Variants in C12orf54 observed in about 807,000 individuals in gnomAD.
C12orf54 encodes uncharacterized protein C12orf54.
C12orf54 carries 24 observed loss-of-function variants against 26.4 expected under a neutral mutation model. The ratio of observed to expected loss-of-function variants is 0.91; its 90% CI spans 0.66 to 1.28. The LOEUF is 1.28. C12orf54 is among the 50% of genes most tolerant of loss of function. C12orf54 has a pLI of 0.00. For synonymous variants in C12orf54, 54 were observed against 47.0 expected, an observed-to-expected ratio of 1.15 and a Z score of -0.61; for missense variants, 154 against 150.9, an observed-to-expected ratio of 1.02 and a Z score of -0.11.
chr12:48,479,631 G>A (rs1351444522), upstream of C12orf54, among the ~76,000 whole-genome samples: 2 of 151,470 alleles, frequency 1.3e-5, no homozygotes, highest in Admixed American at 1.3e-4. Context: ...CCCGAGCACG[G>A]AAAAACTAAT....
At chr12:48,489,392 G>T in intron 5 of C12orf54, 1 of 282,046 alleles carries the variant, frequency 3.5e-6, no homozygotes, top group Non-Finnish European at 7.1e-6. Flanking sequence ...GCTCTCCTCG[G>T]CTCTTCTTCT....
chr12:48,447,214 G>GTGTA, the C12orf54 span, among the ~76,000 whole-genome samples: 1 of 118,748 alleles, frequency 8.4e-6, no homozygotes, highest in African/African-American at 3.1e-5. Context: ...CTCTTACTCT[G>GTGTA]TGTGTGTGTG....
At chr12:48,463,399 C>A in the C12orf54 span, among the ~76,000 whole-genome samples, 1 of 151,966 alleles carries the variant, frequency 6.6e-6, no homozygotes, top group East Asian at 1.9e-4. Flanking sequence ...CTGAACAGAC[C>A]AATAATGATC....
chr12:48,419,775 C>G, the C12orf54 span, among the ~76,000 whole-genome samples: 1 of 152,084 alleles, frequency 6.6e-6, no homozygotes, highest in African/African-American at 2.4e-5. Context: ...GAGAGAGCCT[C>G]GAGGTACTCT....
the C12orf54 span, chr12:48,472,597 G>A: frequency 1.3e-6 from 2 of 1,586,238 alleles, no homozygotes; most frequent in Non-Finnish European, 1.7e-6. Flanking sequence ...CAAATGTGCG[G>A]TTGTGGGTTC....
At chr12:48,474,356 A>C in the C12orf54 span, among the ~76,000 whole-genome samples, 10 of 152,208 alleles carry the variant, frequency 6.6e-5, no homozygotes, top group Non-Finnish European at 1.0e-4. Context: ...CAACTGAGGT[A>C]CTGGGTTCAT....
In C12orf54 at chr12:48,486,178, C is replaced by T. The variant is rs767016841; in HGVS notation, c.66C>T (p.Ser22=). 22 of 1,610,420 alleles carry T rather than the reference C, an allele frequency of 1.4e-5. No homozygotes were observed. Among genetic ancestry groups the T allele is most frequent in the Non-Finnish European group, 1.9e-5 (22 of 1,176,718 alleles). ...KVEMTSKQQR[S]TSIEETMRPQ... Reference sequence around the variant, plus strand: ...GGTTTATATCATTCTTTCTTTGCAGCACATCCATAGAAGAGACAATGAGAC... The same window carrying T: ...GGTTTATATCATTCTTTCTTTGCAGTACATCCATAGAAGAGACAATGAGAC... Residue 22 remains serine, a splice_region_variant and synonymous_variant, in exon 3 of 9, where the codon AGC becomes AGT. Coordinates refer to ENST00000548364, the MANE Select transcript of C12orf54 (RefSeq NM_152319.4).
chr12:48,475,908 A>G, the C12orf54 span, among the ~76,000 whole-genome samples: 3 of 151,858 alleles, frequency 2.0e-5, no homozygotes, highest in Non-Finnish European at 4.4e-5. Context: ...CCACAAAGAT[A>G]CTCCTCGAGA....
At chr12:48,439,537 G>A in the C12orf54 span, among the ~76,000 whole-genome samples, 3 of 152,190 alleles carry the variant, frequency 2.0e-5, no homozygotes, top group Non-Finnish European at 2.9e-5. Flanking sequence ...AGAAAATGTG[G>A]CACATATACA....
At chr12:48,444,239 C>T in the C12orf54 span, among the ~76,000 whole-genome samples, 7 of 152,178 alleles carry the variant, frequency 4.6e-5, no homozygotes, top group African/African-American at 7.2e-5. Flanking sequence ...CTTTTACTCA[C>T]CAGTGTAGCT....
chr12:48,424,271 C>T, the C12orf54 span, among the ~76,000 whole-genome samples: 2 of 152,010 alleles, frequency 1.3e-5, no homozygotes, highest in East Asian at 1.9e-4. Flanking sequence ...ATAAGTTTTG[C>T]ATGTATATTC....
chr12:48,425,448 G>T, the C12orf54 span, among the ~76,000 whole-genome samples: 1 of 152,048 alleles, frequency 6.6e-6, no homozygotes, highest in African/African-American at 2.4e-5. Flanking sequence ...TGGTGAAAAT[G>T]TACCACGTTT....
chr12:48,427,283 ATGAAGAAATTC>A, the C12orf54 span, among the ~76,000 whole-genome samples: 1 of 152,156 alleles, frequency 6.6e-6, no homozygotes, highest in Non-Finnish European at 1.5e-5. Context: ...GGTTTTTAAC[ATGAAGAAATTC>A]TGATATTTAT....
chr12:48,430,093 A>G, the C12orf54 span, among the ~76,000 whole-genome samples: 2,204 of 152,082 alleles, frequency 0.014, 57 homozygotes, highest in African/African-American at 0.05. Flanking sequence ...AATGGTAATA[A>G]GATAATTGGC....
At chr12:48,470,170 C>A in the C12orf54 span, among the ~76,000 whole-genome samples, 66 of 152,154 alleles carry the variant, frequency 4.3e-4, no homozygotes, top group Non-Finnish European at 8.7e-4. Flanking sequence ...ATGCATGTTT[C>A]TTTTTGGTAG....
the C12orf54 span, among the ~76,000 whole-genome samples, chr12:48,475,260 C>T: frequency 1.3e-5 from 2 of 151,828 alleles, no homozygotes; most frequent in African/African-American, 4.8e-5. Context: ...TCACCATCAT[C>T]AAAGAACAAA....
the C12orf54 span, among the ~76,000 whole-genome samples, chr12:48,439,446 C>A: frequency 0.042 from 6,469 of 152,214 alleles, 467 homozygotes; most frequent in African/African-American, 0.15. Context: ...AACACATGCA[C>A]ACGTATGTTT....
chr12:48,473,901 A>T, the C12orf54 span, among the ~76,000 whole-genome samples: 10 of 152,284 alleles, frequency 6.6e-5, no homozygotes, highest in South Asian at 2.1e-3. Flanking sequence ...CCTGGTTTGT[A>T]AATAGCAACC....
the C12orf54 span, among the ~76,000 whole-genome samples, chr12:48,443,868 C>T: frequency 6.6e-6 from 1 of 152,220 alleles, no homozygotes; most frequent in East Asian, 1.9e-4. Context: ...TACTGCAAAA[C>T]AGGCACATTC....
Sources: gnomAD v4.1 joint callset for allele counts (sites outside exome capture counted in the v4.1 genomes callset) on GRCh38, gnomAD v4.1.1 for gene constraint, MANE v1.5 for transcripts, NCBI Gene and HGNC (gene_info 2026-07-23, HGNC 2026-07-21) for gene names.